The following PCED1B variants were observed in gnomAD, a reference collection of about 807,000 sequenced individuals.
The protein encoded by PCED1B is PC-esterase domain containing 1B.
For synonymous variants in PCED1B, 251 were observed against 246.1 expected (o/e 1.02, Z -0.19); for missense variants, 573 against 573.9 (o/e 1.00, Z 0.02).
At chr12:47,191,544 G>A (rs1241016402) in intron 2 of PCED1B, among the ~76,000 whole-genome samples, 1 of 152,106 alleles carries the variant, frequency 6.6e-6, no homozygotes, top group Non-Finnish European at 1.5e-5. Flanking sequence ...GCAAATTGGG[G>A]GAAGTCATGT....
Position 47,235,870 on chromosome 12 carries a change from A to G in PCED1B, c.807A>G (p.Lys269=). The stretch of plus-strand genomic sequence containing the variant: ...CCGTGGGCGAGTGGATCAAGAAGAA[A>G]AAACCTGGCCCGAGAGTCGAAGGGC... ...RHPVGEWIKK[K]KPGPRVEGPP... The change falls in exon 4 of 4, where the codon AAA becomes AAG. Residue 269 remains lysine, a synonymous_variant. Transcript: ENST00000546455. The G allele has an allele frequency of 6.3e-7, 1 of 1,582,692 alleles. No individual in the cohort carries two copies.
chr12:47,222,158 G>C (rs192959005), intron 3 of PCED1B, among the ~76,000 whole-genome samples: 3 of 144,288 alleles, frequency 2.1e-5, no homozygotes, highest in African/African-American at 7.7e-5. Context: ...GGTGGCTCAC[G>C]CCTGTAATCC....
At chr12:47,129,622 G>C (rs1285037084) in intron 2 of PCED1B, among the ~76,000 whole-genome samples, 3 of 152,052 alleles carry the variant, frequency 2.0e-5, no homozygotes, top group African/African-American at 7.2e-5. Flanking sequence ...AAAAAAAAGA[G>C]TGGCATGCCC....
At chr12:47,179,976 G>A (rs916580011) in intron 2 of PCED1B, among the ~76,000 whole-genome samples, 4 of 152,088 alleles carry the variant, frequency 2.6e-5, no homozygotes, top group Non-Finnish European at 5.9e-5. Flanking sequence ...TACATGTGCA[G>A]GATGTGCAGG....
rs1440277868 is a variant in PCED1B at position 47,170,708 on chromosome 12, G to C, written c.-525-45514G>C. Among the ~76,000 whole-genome samples the C allele has an allele frequency of 2.0e-5, 3 of 152,030 alleles. No homozygotes were observed. The East Asian group carries it at 5.8e-4, about 29-fold the overall frequency. On this transcript the variant is annotated intron_variant, in intron 2 of 3. Coordinates refer to ENST00000546455, the MANE Select transcript of PCED1B (RefSeq NM_138371.3). ...TTAAAAAACCAATAAACAGTGTATTGCTTAATTTTGTTATTTAACCCAACC... is the reference window on the plus strand; with the variant it reads ...TTAAAAAACCAATAAACAGTGTATTCCTTAATTTTGTTATTTAACCCAACC...
intron 2 of PCED1B, among the ~76,000 whole-genome samples, chr12:47,196,993 A>G (rs1348448507): frequency 2.0e-5 from 3 of 151,740 alleles, no homozygotes; most frequent in Admixed American, 6.6e-5. Context: ...AAAAGTAGGC[A>G]AAGTACACAA....
chr12:47,217,462 G>GAACGAAAGAA (rs1943305762), intron 3 of PCED1B, among the ~76,000 whole-genome samples: 2 of 70,482 alleles, frequency 2.8e-5, no homozygotes, highest in African/African-American at 1.4e-4. Context: ...GAAAGAAAAA[G>GAACGAAAGAA]AAAGAAAGAG....
intron 2 of PCED1B, among the ~76,000 whole-genome samples, chr12:47,147,096 G>A (rs1940819331): frequency 6.8e-6 from 1 of 146,548 alleles, no homozygotes; most frequent in Admixed American, 7.3e-5. Context: ...CACCTCCTGG[G>A]CTCAAGCAAT....
chr12:47,184,390 T>C (rs1215705363), intron 2 of PCED1B, among the ~76,000 whole-genome samples: 1 of 152,146 alleles, frequency 6.6e-6, no homozygotes, highest in African/African-American at 2.4e-5. Flanking sequence ...TCCCGCCACA[T>C]TGGATTTCAA....
chr12:47,108,486 T>G (rs1473467900), intron 2 of PCED1B, among the ~76,000 whole-genome samples: 2 of 152,234 alleles, frequency 1.3e-5, no homozygotes, highest in Non-Finnish European at 2.9e-5. Flanking sequence ...GATTGTGTTT[T>G]TCCCCACATC....
intron 2 of PCED1B, among the ~76,000 whole-genome samples, chr12:47,191,809 G>GTT (rs147421136): frequency 3.7e-4 from 55 of 148,570 alleles, no homozygotes; most frequent in South Asian, 1.1e-3. Context: ...GTTGTGTTGT[G>GTT]CTTTTTTTTT....
rs374388963 is a variant in PCED1B at position 47,173,582 on chromosome 12, A to G, written c.-525-42640A>G. 2.5e-4 allele frequency among the ~76,000 whole-genome samples: 38 copies of G among 150,886 alleles called. 2 individuals are homozygous for G. Among genetic ancestry groups the G allele is most frequent in the East Asian group, 2.3e-3 (12 of 5,146 alleles). ...GCTCCTTAATTCTGTACATAAACAC[A>G]TACTTTTTTTTTTTTCTTAAACATG... On this transcript the variant is annotated intron_variant, in intron 2 of 3. Transcript: ENST00000546455.
intron 2 of PCED1B, among the ~76,000 whole-genome samples, chr12:47,193,330 C>CA (rs1379196284): frequency 6.6e-6 from 1 of 152,176 alleles, no homozygotes; most frequent in East Asian, 1.9e-4. Context: ...ACTGTCCACT[C>CA]AGAGTTGTTC....
intron 2 of PCED1B, among the ~76,000 whole-genome samples, chr12:47,187,076 CA>C (rs890189382): frequency 5.0e-4 from 76 of 152,272 alleles, no homozygotes; most frequent in African/African-American, 1.8e-3. Context: ...TAGTGCCTAT[CA>C]CACTTGAAGG....
chr12:47,158,632 A>G (rs891077923), intron 2 of PCED1B, among the ~76,000 whole-genome samples: 2 of 151,902 alleles, frequency 1.3e-5, no homozygotes, highest in African/African-American at 4.8e-5. Context: ...CTGTCTTTTG[A>G]TGCACAATTT....
chr12:47,134,644 C>A (rs571932606), intron 2 of PCED1B, among the ~76,000 whole-genome samples: 1 of 152,090 alleles, frequency 6.6e-6, no homozygotes, highest in Non-Finnish European at 1.5e-5. Flanking sequence ...CTGAGGAAGG[C>A]GGATCACGAG....
intron 2 of PCED1B, among the ~76,000 whole-genome samples, chr12:47,169,158 T>C (rs900525440): frequency 6.6e-6 from 1 of 152,206 alleles, no homozygotes; most frequent in Admixed American, 6.5e-5. Flanking sequence ...CAGTTAACCC[T>C]GAGTATTTTT....
intron 2 of PCED1B, among the ~76,000 whole-genome samples, chr12:47,160,381 C>G (rs565731145): frequency 6.9e-6 from 1 of 145,756 alleles, no homozygotes; most frequent in Non-Finnish European, 1.5e-5. Context: ...CCCACTGAAG[C>G]CTCGAACACT....
At chr12:47,148,825 A>G (rs1940887141) in intron 2 of PCED1B, among the ~76,000 whole-genome samples, 1 of 152,206 alleles carries the variant, frequency 6.6e-6, no homozygotes, top group Non-Finnish European at 1.5e-5. Flanking sequence ...AGAGTCTCTT[A>G]AATTGTTTGA....
Sources: gnomAD v4.1 joint callset for allele counts (sites outside exome capture counted in the v4.1 genomes callset) on GRCh38, gnomAD v4.1.1 for gene constraint, MANE v1.5 for transcripts, NCBI Gene and HGNC (gene_info 2026-07-23, HGNC 2026-07-21) for gene names.